The following IGF1R variants were observed in gnomAD, a reference collection of about 807,000 sequenced individuals.
The protein encoded by IGF1R is insulin-like growth factor 1 receptor.
A neutral mutation model predicts 144.6 loss-of-function variants in IGF1R; 44 were observed. That is an observed-to-expected ratio of 0.30 (90% CI 0.24 to 0.39). IGF1R has a LOEUF of 0.39. Among genes scored for constraint, IGF1R ranks in the 10% least tolerant of loss-of-function variants. The pLI, the probability that IGF1R is intolerant of heterozygous loss-of-function variation, is 1.00. For synonymous variants in IGF1R, 795 were observed against 722.8 expected (o/e 1.10, Z -1.60); for missense variants, 1,355 against 1,833.7 (o/e 0.74, Z 4.77).
Position 98,707,230 on chromosome 15 carries a change from G to T in IGF1R, c.95-332G>T, listed in dbSNP as rs372933243. Among the ~76,000 whole-genome samples the T allele has an allele frequency of 2.6e-4, 40 of 152,314 alleles. No individual in the cohort carries two copies. The South Asian group carries it at 4.1e-3, about 16-fold the overall frequency. ...AGTGTGCGGTGGTGGAGTCCGGCTGGCCTGGGTTGCAGATTTAACTTTCGC... is the reference window on the plus strand; with the variant it reads ...AGTGTGCGGTGGTGGAGTCCGGCTGTCCTGGGTTGCAGATTTAACTTTCGC... On this transcript the variant is annotated intron_variant, in intron 1 of 20. Coordinates refer to ENST00000650285, the MANE Select transcript of IGF1R (RefSeq NM_000875.5). This position sits in a 1 kb window ranked among gnomAD's most constrained non-coding sequence, Gnocchi z 6.7.
chr15:98,707,412 C>G lies in IGF1R; in HGVS notation c.95-150C>G. On this transcript the variant is annotated intron_variant, in intron 1 of 20. Coordinates refer to ENST00000650285, the MANE Select transcript of IGF1R (RefSeq NM_000875.5). This position sits in a 1 kb window ranked among gnomAD's most constrained non-coding sequence, Gnocchi z 6.7. ...CTGGTTAGCCACCTAAACTGTCAGT[C>G]TGCAACCCACAGCTCTGCAGTGAAC... is the stretch of plus-strand genomic sequence containing the variant. The G allele has an allele frequency of 1.2e-6, 1 of 835,344 alleles. No individual in the cohort carries two copies. The highest frequency in any genetic ancestry group is 2.1e-5 in the Admixed American group (1 of 48,408). The allele number at this position is 835,344 out of a possible 1,614,324, so 51.7% of individuals were successfully genotyped here. A position where few individuals can be genotyped will look rare whatever the true frequency, so the allele number is the denominator to read the frequency against.
chr15:98,928,241 T>G (rs144559333), intron 13 of IGF1R, among the ~76,000 whole-genome samples: 2 of 152,340 alleles, frequency 1.3e-5, no homozygotes, highest in African/African-American at 2.4e-5. Context: ...GGGCCATGAC[T>G]TACCAAGCCA....
At chr15:98,772,166 T>C (rs2141373704) in intron 2 of IGF1R, among the ~76,000 whole-genome samples, 1 of 152,308 alleles carries the variant, frequency 6.6e-6, no homozygotes, top group South Asian at 2.1e-4. Context: ...AACTGTGGAA[T>C]CATTTGAAAA....
At chr15:98,650,779 T>TCTTCTGCCGCCCCGCA in intron 1 of IGF1R, 5 of 531,050 alleles carry the variant, frequency 9.4e-6, no homozygotes, top group Non-Finnish European at 1.2e-5. Flanking sequence ...TGTCGCCCTC[T>TCTTCTGCCGCCCCGCA]CTTCTGCCGC....
intron 20 of IGF1R, among the ~76,000 whole-genome samples, chr15:98,955,955 G>A (rs1329589704): frequency 6.6e-6 from 1 of 152,222 alleles, no homozygotes; most frequent in African/African-American, 2.4e-5. Flanking sequence ...TGGAAAGGAA[G>A]GCACTTTGGT....
Position 98,959,981 on chromosome 15 carries a change from GTGTA to G in IGF1R, c.*2543_*2546del. The G allele has an allele frequency of 4.3e-6, 1 of 232,814 alleles. No individual in the cohort carries two copies. Among genetic ancestry groups the G allele is most frequent in the Non-Finnish European group, 8.5e-6 (1 of 117,764 alleles). The allele number at this position is 232,814 out of a possible 1,614,324, so 14.4% of individuals were successfully genotyped here. A position where few individuals can be genotyped will look rare whatever the true frequency, so the allele number is the denominator to read the frequency against. On this transcript the variant is annotated 3_prime_UTR_variant, in exon 21 of 21. Coordinates refer to ENST00000650285, the MANE Select transcript of IGF1R (RefSeq NM_000875.5). ...AATTTCAAGGAAAGGGTGTGTGTGTGTGTATGTGTGGGGTGTGTGTGTGTGAGAG... is the reference window on the plus strand; with the variant it reads ...AATTTCAAGGAAAGGGTGTGTGTGTGTGTGTGGGGTGTGTGTGTGTGAGAG...
intron 2 of IGF1R, among the ~76,000 whole-genome samples, chr15:98,763,909 T>G (rs2055370030): frequency 6.6e-6 from 1 of 152,204 alleles, no homozygotes; most frequent in Non-Finnish European, 1.5e-5. Context: ...TCAGTGGCCA[T>G]GTACTTTGCT....
intron 1 of IGF1R, among the ~76,000 whole-genome samples, chr15:98,696,175 T>C (rs2053593758): frequency 6.6e-6 from 1 of 152,210 alleles, no homozygotes; most frequent in Admixed American, 6.5e-5. Flanking sequence ...TTATTTCCTC[T>C]CTATTGCAAT....
intron 2 of IGF1R, among the ~76,000 whole-genome samples, chr15:98,868,344 A>AAAAG (rs1555454784): frequency 3.8e-5 from 5 of 132,802 alleles, no homozygotes; most frequent in African/African-American, 1.3e-4. Flanking sequence ...AAAAAAAAAA[A>AAAAG]GCCAAATCTG....
chr15:98,852,420 C>T (rs1284612508), intron 2 of IGF1R, among the ~76,000 whole-genome samples: 1 of 152,220 alleles, frequency 6.6e-6, no homozygotes, highest in Non-Finnish European at 1.5e-5. Context: ...TCACCAGGGC[C>T]CACCCTCCCC....
intron 2 of IGF1R, among the ~76,000 whole-genome samples, chr15:98,729,814 G>T (rs1181730327): frequency 6.6e-6 from 1 of 152,186 alleles, no homozygotes; most frequent in Non-Finnish European, 1.5e-5. Context: ...GTGTGTGAGT[G>T]TGTCTTTCCT....
intron 2 of IGF1R, among the ~76,000 whole-genome samples, chr15:98,828,774 GTT>G (rs200266374): frequency 3.2e-3 from 400 of 123,964 alleles, no homozygotes; most frequent in Middle Eastern, 0.017. Flanking sequence ...GCTGAGCATG[GTT>G]TTTTTTTTTT....
At chr15:98,684,709 A>G (rs2053280103) in intron 1 of IGF1R, among the ~76,000 whole-genome samples, 1 of 152,108 alleles carries the variant, frequency 6.6e-6, no homozygotes, top group Admixed American at 6.5e-5. Context: ...GAGAGAGTAG[A>G]AGGAGAAAGG....
At chr15:98,694,305 T>C (rs2053547526) in intron 1 of IGF1R, among the ~76,000 whole-genome samples, 1 of 152,174 alleles carries the variant, frequency 6.6e-6, no homozygotes, top group East Asian at 1.9e-4. Context: ...CCATTCATTC[T>C]TGTGTTCCTG....
intron 2 of IGF1R, among the ~76,000 whole-genome samples, chr15:98,811,033 G>A (rs1345555688): frequency 6.6e-6 from 1 of 150,790 alleles, no homozygotes; most frequent in Non-Finnish European, 1.5e-5. Flanking sequence ...GGACGCGGTG[G>A]CTCACGCCTG....
intron 10 of IGF1R, among the ~76,000 whole-genome samples, chr15:98,918,997 AC>A (rs781151739): frequency 6.6e-6 from 1 of 152,088 alleles, no homozygotes; most frequent in Non-Finnish European, 1.5e-5. Flanking sequence ...TTGAATGTGA[AC>A]CTTGAGGTTC....
intron 8 of IGF1R, 122 bp downstream of exon 8, chr15:98,913,404 G>A (rs2151677582): frequency 3.7e-6 from 3 of 816,366 alleles, no homozygotes; most frequent in Admixed American, 1.7e-5. Context: ...CTTGTCAATA[G>A]GTAATACTGT....
intron 1 of IGF1R, among the ~76,000 whole-genome samples, chr15:98,678,613 A>G (rs971228606): frequency 3.9e-5 from 6 of 152,150 alleles, no homozygotes; most frequent in African/African-American, 1.4e-4. Context: ...CCCAGGCTCA[A>G]GCAGTCCTCC....
rs541150727 is a variant in IGF1R, at chr15:98,892,663, A to G, written c.953+1026A>G. Among the ~76,000 whole-genome samples, 10 of 152,248 alleles carry G rather than the reference A, an allele frequency of 6.6e-5. No individual in the cohort carries two copies. In the South Asian group the frequency reaches 1.5e-3, roughly 22 times the overall value. ...GATGTTAGCATTGTTTAAAAATGTG[A>G]TAACTATAACTTTGAAAGCAAAAGA... On this transcript the variant is annotated intron_variant, in intron 3 of 20. Coordinates refer to ENST00000650285, the MANE Select transcript of IGF1R (RefSeq NM_000875.5).
Sources: gnomAD v4.1 joint callset for allele counts (sites outside exome capture counted in the v4.1 genomes callset) on GRCh38, gnomAD v4.1.1 for gene constraint, Gnocchi (gnomAD v3.1) non-coding constraint, MANE v1.5 for transcripts, NCBI Gene and HGNC (gene_info 2026-07-23, HGNC 2026-07-21) for gene names.